CSMD1: variants seen among roughly 807,000 people sequenced by gnomAD.
The protein encoded by CSMD1 is CUB and sushi domain-containing protein 1.
CSMD1 carries 213 observed loss-of-function variants against 417.5 expected under a neutral mutation model. The observed-to-expected ratio is 0.51, with a 90% CI of 0.46 to 0.57. The LOEUF (loss-of-function observed/expected upper bound fraction) is 0.57, where lower values mean the gene tolerates loss of function less well. Ranked by LOEUF, CSMD1 falls within the 20% of genes least tolerant of loss-of-function variation. The pLI, the probability that CSMD1 is intolerant of heterozygous loss-of-function variation, is 0.00. For synonymous variants in CSMD1, 2,862 were observed against 1,736.8 expected, an observed-to-expected ratio of 1.65 and a Z score of -16.11; for missense variants, 6,923 against 4,529.7, an observed-to-expected ratio of 1.53 and a Z score of -15.17.
intron 3 of CSMD1, among the ~76,000 whole-genome samples, chr8:4,400,381 A>T (rs1804564842): frequency 1.3e-5 from 2 of 152,222 alleles, no homozygotes; most frequent in Admixed American, 1.3e-4. Context: ...TCATTTATAT[A>T]TCCATCCTGT....
intron 5 of CSMD1, among the ~76,000 whole-genome samples, chr8:3,982,208 T>A (rs1428147561): frequency 7.2e-6 from 1 of 139,144 alleles, no homozygotes; most frequent in Non-Finnish European, 1.6e-5. Flanking sequence ...AAAAAAATAA[T>A]AATAATAAAC....
rs560287163 is a variant in CSMD1, at chr8:3,156,206, G to T, written c.5914+1691C>A. Among the ~76,000 whole-genome samples the T allele has an allele frequency of 5.3e-5, 8 of 152,338 alleles. No homozygotes were observed. The South Asian group carries it at 1.7e-3, about 32-fold the overall frequency. ...CTTTCTCCTAAAACACCATTTGGCA[G>T]TATGGCATGTTTGAGGCTGACTGTC... is the stretch of plus-strand genomic sequence containing the variant. On this transcript the variant is annotated intron_variant, in intron 39 of 69. Coordinates refer to ENST00000635120, the MANE Select transcript of CSMD1 (RefSeq NM_033225.6).
chr8:4,787,690 G>C (rs551106284), intron 1 of CSMD1: 116 of 1,591,156 alleles, frequency 7.3e-5, no homozygotes, highest in Non-Finnish European at 9.4e-5. Context: ...ACCTAAAGTG[G>C]AGTTGTTTTT....
intron 3 of CSMD1, among the ~76,000 whole-genome samples, chr8:4,203,365 C>A (rs994071556): frequency 6.6e-5 from 10 of 152,136 alleles, no homozygotes; most frequent in African/African-American, 2.2e-4. Flanking sequence ...GCCTTCCAAC[C>A]TGTGGAAATA....
intron 3 of CSMD1, among the ~76,000 whole-genome samples, chr8:4,035,804 G>A (rs550682865): frequency 2.4e-4 from 36 of 152,120 alleles, no homozygotes; most frequent in Non-Finnish European, 3.8e-4. Context: ...AAAGAAAAAT[G>A]TGTTTTTATA....
intron 1 of CSMD1, among the ~76,000 whole-genome samples, chr8:4,976,847 G>A (rs982290647): frequency 6.6e-6 from 1 of 151,918 alleles, no homozygotes; most frequent in African/African-American, 2.4e-5. Flanking sequence ...TGCCACTTTG[G>A]GGCAACTGTG....
intron 5 of CSMD1, among the ~76,000 whole-genome samples, chr8:3,866,064 C>T (rs1295500006): frequency 4.6e-5 from 7 of 152,110 alleles, no homozygotes; most frequent in Non-Finnish European, 1.0e-4. Context: ...AGTAAAATGT[C>T]TTTAAAAATT....
intron 10 of CSMD1, among the ~76,000 whole-genome samples, chr8:3,501,021 G>T (rs1796578212): frequency 1.3e-5 from 2 of 152,008 alleles, no homozygotes; most frequent in Admixed American, 6.6e-5. Context: ...CAAATAATAT[G>T]TATTTTCCTT....
At chr8:3,238,707 C>G (rs1056855614) in intron 26 of CSMD1, among the ~76,000 whole-genome samples, 1 of 152,102 alleles carries the variant, frequency 6.6e-6, no homozygotes, top group Non-Finnish European at 1.5e-5. Context: ...AGGAGAAAAA[C>G]AGGTATTAAG....
intron 2 of CSMD1, among the ~76,000 whole-genome samples, chr8:4,436,820 C>G (rs1399121854): frequency 1.3e-5 from 2 of 152,168 alleles, no homozygotes; most frequent in Non-Finnish European, 2.9e-5. Context: ...ATCTCCAGCT[C>G]TAGCCATGTT....
intron 28 of CSMD1, among the ~76,000 whole-genome samples, chr8:3,220,140 A>G (rs1349914164): frequency 7.6e-6 from 1 of 131,438 alleles, no homozygotes; most frequent in African/African-American, 2.7e-5. Context: ...GAGACAGAAC[A>G]AGACCCTGTC....
intron 1 of CSMD1, among the ~76,000 whole-genome samples, chr8:4,680,405 A>G (rs1349368724): frequency 6.6e-6 from 1 of 152,130 alleles, no homozygotes; most frequent in Non-Finnish European, 1.5e-5. Context: ...TTTCTGGTGA[A>G]TTTCCTTCAC....
At chr8:3,351,237 C>A (rs1808400717) in intron 21 of CSMD1, among the ~76,000 whole-genome samples, 1 of 152,152 alleles carries the variant, frequency 6.6e-6, no homozygotes, top group African/African-American at 2.4e-5. Context: ...GATTTCATTA[C>A]TCTAGGGTAG....
At chr8:3,959,571 G>C (rs557770830) in intron 5 of CSMD1, among the ~76,000 whole-genome samples, 1 of 152,200 alleles carries the variant, frequency 6.6e-6, no homozygotes, top group South Asian at 2.1e-4. Context: ...CATAGTTTTT[G>C]TCTCTTTTAA....
Position 3,652,558 on chromosome 8 carries a change from G to A in CSMD1, c.1010-35761C>T, listed in dbSNP as rs531884267. Among the ~76,000 whole-genome samples, 32 of 152,316 alleles carry A rather than the reference G, an allele frequency of 2.1e-4. No homozygotes were observed. The East Asian group carries it at 5.0e-3, about 24-fold the overall frequency. On this transcript the variant is annotated intron_variant, in intron 7 of 69. Coordinates refer to ENST00000635120, the MANE Select transcript of CSMD1 (RefSeq NM_033225.6). ...CTGGGGAGGCCTCACAATCTTGGCA[G>A]AATGCAAAGGAGAAGCAAAGGCATG...
At chr8:3,738,846 T>A (rs748376351) in intron 6 of CSMD1, among the ~76,000 whole-genome samples, 1 of 152,160 alleles carries the variant, frequency 6.6e-6, no homozygotes, top group Non-Finnish European at 1.5e-5. Flanking sequence ...AAAATAGGCA[T>A]CAATAAATGT....
chr8:3,476,518 T>C (rs2117221941), intron 11 of CSMD1, among the ~76,000 whole-genome samples: 1 of 152,250 alleles, frequency 6.6e-6, no homozygotes, highest in Non-Finnish European at 1.5e-5. Flanking sequence ...CCAACCTATC[T>C]TCCAGAATGG....
rs538885119 is a variant in CSMD1, at chr8:4,750,319, T to C, written c.86-112761A>G. Reference sequence around the variant, plus strand: ...CCATGCCCGGCCCTGACTTTTACTTTTACTCACCTCTCTAGAAACTGCTGA... The same window carrying C: ...CCATGCCCGGCCCTGACTTTTACTTCTACTCACCTCTCTAGAAACTGCTGA... On this transcript the variant is annotated intron_variant, in intron 1 of 69. Transcript: ENST00000635120. Among the ~76,000 whole-genome samples, 3 of 152,324 alleles carry C rather than the reference T, an allele frequency of 2.0e-5. No homozygotes were observed. The South Asian group carries it at 6.2e-4, about 32-fold the overall frequency.
At chr8:3,248,523 C>CTTTTTTTTTTTTTTTTT (rs10663439) in intron 26 of CSMD1, among the ~76,000 whole-genome samples, 4 of 85,946 alleles carry the variant, frequency 4.7e-5, no homozygotes, top group African/African-American at 1.3e-4. Context: ...AATTCCCTCC[C>CTTTTTTTTTTTTTTTTT]TTTTTTTTTT....
Sources: gnomAD v4.1 joint callset for allele counts (sites outside exome capture counted in the v4.1 genomes callset) on GRCh38, gnomAD v4.1.1 for gene constraint, MANE v1.5 for transcripts, NCBI Gene and HGNC (gene_info 2026-07-23, HGNC 2026-07-21) for gene names.